SLC25A19: variants seen among roughly 807,000 people sequenced by gnomAD.
SLC25A19 encodes the protein mitochondrial thiamine pyrophosphate carrier.
Under a neutral mutation model 27.9 loss-of-function variants are expected in SLC25A19, and 18 were observed. The ratio of observed to expected loss-of-function variants is 0.64; its 90% CI spans 0.45 to 0.96. The LOEUF (loss-of-function observed/expected upper bound fraction) is 0.96, where lower values mean the gene tolerates loss of function less well. SLC25A19 is among the 40% of genes least tolerant of loss of function. SLC25A19 has a pLI of 0.00. For synonymous variants in SLC25A19, 169 were observed against 167.1 expected, an observed-to-expected ratio of 1.01 and a Z score of -0.09; for missense variants, 371 against 418.3, an observed-to-expected ratio of 0.89 and a Z score of 0.99.
At chr17:75,287,318 T>C (rs1248090217) in intron 2 of SLC25A19, 1 of 154,102 alleles carries the variant, frequency 6.5e-6, no homozygotes, top group East Asian at 1.8e-4. Flanking sequence ...TTGCCCTGGC[T>C]GGTCTCGAAC....
intron 5 of SLC25A19, among the ~76,000 whole-genome samples, chr17:75,279,413 T>G (rs887893557): frequency 6.6e-6 from 1 of 152,052 alleles, no homozygotes; most frequent in African/African-American, 2.4e-5. Flanking sequence ...CCACATCTCT[T>G]CCCCTCACTT....
At chr17:75,287,873 G>A (rs1010160874) in intron 2 of SLC25A19, among the ~76,000 whole-genome samples, 2 of 152,192 alleles carry the variant, frequency 1.3e-5, no homozygotes, top group Admixed American at 1.3e-4. Flanking sequence ...GCCAGGCACC[G>A]TGGCTCACGC....
chr17:75,280,552 C>T (rs769853600), intron 5 of SLC25A19, among the ~76,000 whole-genome samples: 1 of 152,066 alleles, frequency 6.6e-6, no homozygotes, highest in African/African-American at 2.4e-5. Flanking sequence ...CGGTGGCTCA[C>T]GCCTGTAATC....
In SLC25A19 at chr17:75,286,423, C is replaced by T. The variant is rs766616256; in HGVS notation, c.169G>A (p.Ala57Thr). The T allele has an allele frequency of 1.5e-5, 25 of 1,614,008 alleles. No individual in the cohort carries two copies. Among genetic ancestry groups the T allele is most frequent in the Non-Finnish European group, 2.0e-5 (24 of 1,180,036 alleles). Reference protein sequence around the residue: ...HERLSRSDPSAKYHGILQASR... With the variant: ...HERLSRSDPSTKYHGILQASR... ...GCCTGGAGGATGCCATGGTACTTTG[C>T]GCTGGGGTCACTGCGAGACAGGCGC... Residue 57 changes from alanine to threonine, a missense_variant, in exon 4 of 8, where the codon GCA (alanine) becomes ACA (threonine). Transcript: ENST00000416858.
At chr17:75,278,012 G>C (rs1398144206) in intron 6 of SLC25A19, 140 bp downstream of exon 6, 3 of 845,684 alleles carry the variant, frequency 3.5e-6, no homozygotes, top group African/African-American at 1.7e-5. Flanking sequence ...CAGTTGTTTT[G>C]TTTGCCACAT....
Position 75,283,449 on chromosome 17 carries a change from G to C in SLC25A19, c.433C>G (p.Arg145Gly). The change falls in exon 5 of 8, where the codon CGC (arginine) becomes GGC (glycine). Residue 145 changes from arginine (R) to glycine (G), a missense_variant. Arg to Gly is a moderately radical substitution (Grantham distance 125, BLOSUM62 -2). Coordinates refer to ENST00000416858, the MANE Select transcript of SLC25A19 (RefSeq NM_001126121.2). ...TVHPVDVLRT[R>G]FAAQGEPKVY... Reference sequence around the variant, plus strand: ...TTGGGCTCACCCTGAGCTGCAAAGCGGGTGCGCAGAACATCCACGGGGTGC... The same window carrying C: ...TTGGGCTCACCCTGAGCTGCAAAGCCGGTGCGCAGAACATCCACGGGGTGC... The C allele has an allele frequency of 6.2e-7, 1 of 1,612,302 alleles. No individual in the cohort carries two copies. Among genetic ancestry groups the C allele is most frequent in the South Asian group, 1.1e-5 (1 of 90,826 alleles).
chr17:75,277,924 C>T (rs2145743770), intron 6 of SLC25A19, among the ~76,000 whole-genome samples: 1 of 152,170 alleles, frequency 6.6e-6, no homozygotes, highest in East Asian at 1.9e-4. Flanking sequence ...CATGACCAAT[C>T]ACTGGAAGTA....
In SLC25A19 at chr17:75,278,146, C is replaced by CCTCA; in HGVS notation, c.643+2_643+5dup. The stretch of plus-strand genomic sequence containing the variant: ...AGGGCTCCCTCTCGTGTGAGGGCTG[C>CCTCA]CTCACCATTTTTCTTTCCTTCGGCT... On this transcript the variant is annotated splice_donor_region_variant and intron_variant, in intron 6 of 7. Transcript: ENST00000416858. 6.2e-7 allele frequency: 1 copy of CCTCA among 1,613,044 alleles called. No homozygotes were observed.
intron 5 of SLC25A19, 67 bp downstream of exon 5, chr17:75,283,356 A>C: frequency 7.1e-7 from 1 of 1,406,900 alleles, no homozygotes; most frequent in South Asian, 1.4e-5. Flanking sequence ...TAAAAAATAA[A>C]GAATGCTACC....
rs1173806198 is a variant in SLC25A19 at position 75,283,412 on chromosome 17, T to C, written c.459+11A>G. The C allele has an allele frequency of 1.2e-6, 2 of 1,611,480 alleles. No homozygotes were observed. Among genetic ancestry groups the C allele is most frequent in the Admixed American group, 3.3e-5 (2 of 59,926 alleles). ...ATTTGGGCTTCCCCGGTCTGGCTCC[T>C]GGCCACTCACCTTGGGCTCACCCTG... On this transcript the variant is annotated intron_variant, in intron 5 of 7. Transcript: ENST00000416858.
rs199811921 is a variant in SLC25A19, at chr17:75,286,621, G to C, written c.132+12C>G. 2.7e-5 allele frequency: 44 copies of C among 1,614,128 alleles called. 2 individuals are homozygous for C. The East Asian group carries it at 9.8e-4, about 36-fold the overall frequency. On this transcript the variant is annotated intron_variant, in intron 3 of 7. Transcript: ENST00000416858. ...TCCTCCAGTCCATTGCATGGAAAAA[G>C]GGGAAGAGTACCTGGAAACGGATCT...
At position 75,286,093 on chromosome 17, in the gene SLC25A19, C is replaced by T. The variant is rs560078729; in HGVS notation, c.288+211G>A. Among the ~76,000 whole-genome samples the T allele has an allele frequency of 3.3e-5, 5 of 152,352 alleles. No homozygotes were observed. The East Asian group carries it at 7.7e-4, about 23-fold the overall frequency. ...CAAATCGGTCTCCAAGATGCAACAC[C>T]TAAGTCACACAGGATAGACGCAGGG... On this transcript the variant is annotated intron_variant, in intron 4 of 7. Coordinates refer to ENST00000416858, the MANE Select transcript of SLC25A19 (RefSeq NM_001126121.2).
intron 7 of SLC25A19, among the ~76,000 whole-genome samples, chr17:75,276,713 T>C (rs145212582): frequency 3.0e-4 from 44 of 148,684 alleles, no homozygotes; most frequent in Admixed American, 6.8e-4. Flanking sequence ...CTTGCTCTGT[T>C]GCCCAGGCTG....
At chr17:75,284,453 CT>C (rs2078133238) in intron 4 of SLC25A19, among the ~76,000 whole-genome samples, 1 of 152,046 alleles carries the variant, frequency 6.6e-6, no homozygotes, top group African/African-American at 2.4e-5. Context: ...GAAAATGTCA[CT>C]GGCTAACTTA....
At chr17:75,279,772 G>T (rs1220107000) in intron 5 of SLC25A19, among the ~76,000 whole-genome samples, 1 of 152,140 alleles carries the variant, frequency 6.6e-6, no homozygotes, top group Non-Finnish European at 1.5e-5. Flanking sequence ...CTCCCAAAGT[G>T]CTGGGATTAC....
chr17:75,279,506 C>CTT (rs35328245), intron 5 of SLC25A19, among the ~76,000 whole-genome samples: 8,304 of 114,016 alleles, frequency 0.073, 376 homozygotes, highest in Middle Eastern at 0.13. Context: ...ATGCTATTAT[C>CTT]TTTTTTTTTT....
chr17:75,285,514 G>A (rs2078160576), intron 4 of SLC25A19, among the ~76,000 whole-genome samples: 1 of 152,260 alleles, frequency 6.6e-6, no homozygotes, highest in Non-Finnish European at 1.5e-5. Flanking sequence ...GGCATGCCCA[G>A]CCAGTAAGCA....
At chr17:75,281,119 G>A (rs1458100453) in intron 5 of SLC25A19, among the ~76,000 whole-genome samples, 1 of 152,178 alleles carries the variant, frequency 6.6e-6, no homozygotes, top group East Asian at 1.9e-4. Context: ...TTGAGCCCAG[G>A]AGTTCGAAGC....
At chr17:75,283,701 C>T (rs1233996624) in intron 4 of SLC25A19, 108 bp from the exon 5 acceptor site, 2 of 1,048,700 alleles carry the variant, frequency 1.9e-6, no homozygotes, top group East Asian at 2.6e-5. Flanking sequence ...GGTGGAGGGG[C>T]GAGGAAAAGG....
Sources: gnomAD v4.1 joint callset for allele counts (sites outside exome capture counted in the v4.1 genomes callset) on GRCh38, gnomAD v4.1.1 for gene constraint, MANE v1.5 for transcripts, NCBI Gene and HGNC (gene_info 2026-07-23, HGNC 2026-07-21) for gene names.